Variants in DMD observed in about 807,000 individuals in gnomAD.
DMD encodes mutant dystrophin.
A neutral mutation model predicts 330.1 loss-of-function variants in DMD; 63 were observed. The observed-to-expected ratio is 0.19, with a 90% confidence interval of 0.16 to 0.24. DMD has a LOEUF of 0.24. DMD is among the 10% of genes least tolerant of loss of function. DMD has a pLI of 1.00. For missense variants in DMD, 3,344 were observed against 2,684.1 expected, an observed-to-expected ratio of 1.25 and a Z score of -5.43; for synonymous variants, 1,223 against 959.8, an observed-to-expected ratio of 1.27 and a Z score of -5.07.
At chrX:31,895,407 T>C (rs116194303) in intron 47 of DMD, among the ~76,000 whole-genome samples, 1,516 of 112,004 alleles carry the variant, frequency 0.014, 22 homozygotes, top group African/African-American at 0.047. Context: ...GTATAAGCAA[T>C]CGATACTTTT....
chrX:33,126,666 C>T (rs190832825), intron 1 of DMD, among the ~76,000 whole-genome samples: 245 of 112,046 alleles, frequency 2.2e-3, no homozygotes, highest in African/African-American at 6.0e-3. Flanking sequence ...AATAAATAGA[C>T]GGATGATTGT....
At chrX:31,640,904 T>A (rs146859166) in intron 54 of DMD, among the ~76,000 whole-genome samples, 3,325 of 112,103 alleles carry the variant, frequency 0.03, 121 homozygotes, top group African/African-American at 0.098. Flanking sequence ...TGCTGAAGAT[T>A]TGCTCAGATA....
Position 32,627,289 on chromosome X carries a change from G to A in DMD, c.1332-12836C>T, listed in dbSNP as rs187473504. 3.1e-3 allele frequency among the ~76,000 whole-genome samples: 315 copies of A among 102,356 alleles called. 51 individuals are homozygous for A. Among genetic ancestry groups the A allele is most frequent in the African/African-American group, 0.013 (308 of 23,734 alleles). The allele number at this position is 102,356 out of a possible 115,157, so 88.9% of individuals were successfully genotyped here. On this transcript the variant is annotated intron_variant, in intron 11 of 78. Transcript: ENST00000357033. ...GAACCAGATGCACAGAGGTAACATG[G>A]AGACAAAGGATCAGGATGCACAAAC...
chrX:32,936,252 C>T (rs1229282702), intron 2 of DMD, among the ~76,000 whole-genome samples: 1 of 110,209 alleles, frequency 9.1e-6, no homozygotes, highest in Non-Finnish European at 1.9e-5. Flanking sequence ...GCTGGGGTTA[C>T]AGGCATGCAC....
At chrX:33,232,093 G>A (rs950656857) in intron 1 of DMD, among the ~76,000 whole-genome samples, 3 of 111,771 alleles carry the variant, frequency 2.7e-5, no homozygotes, top group Non-Finnish European at 5.6e-5. Context: ...ATGCTGTATT[G>A]GTGAAATTAT....
At chrX:31,571,833 C>A (rs2075836422) in intron 55 of DMD, among the ~76,000 whole-genome samples, 1 of 111,781 alleles carries the variant, frequency 8.9e-6, no homozygotes, top group African/African-American at 3.3e-5. Context: ...CCAAGAATTT[C>A]TTGAGATACT....
intron 1 of DMD, among the ~76,000 whole-genome samples, chrX:33,225,780 C>A (rs1232424257): frequency 9.0e-6 from 1 of 110,502 alleles, no homozygotes; most frequent in Non-Finnish European, 1.9e-5. Context: ...AAGAGACAGG[C>A]TGCACATCGA....
At chrX:31,163,269 T>C (rs2039052026) in intron 74 of DMD, among the ~76,000 whole-genome samples, 2 of 111,429 alleles carry the variant, frequency 1.8e-5, no homozygotes, top group African/African-American at 3.3e-5. Context: ...GTTTTTGTGA[T>C]AGTAACTCTC....
chrX:32,283,927 G>A lies in DMD; in HGVS notation c.6290+3602C>T, dbSNP rs145596507. Among the ~76,000 whole-genome samples, 522 of 111,060 alleles carry A rather than the reference G, an allele frequency of 4.7e-3. 5 individuals carry two copies. Among genetic ancestry groups the A allele is most frequent in the African/African-American group, 0.016 (491 of 30,550 alleles). ...CAGAGACCCTAGTTGTAGAATGAGC[G>A]ACACACAGCAAGAATAAATAATTTA... On this transcript the variant is annotated intron_variant, in intron 43 of 78. Coordinates refer to ENST00000357033, the MANE Select transcript of DMD (RefSeq NM_004006.3).
At chrX:32,425,391 A>AT (rs2098207847) in intron 29 of DMD, among the ~76,000 whole-genome samples, 1 of 109,417 alleles carries the variant, frequency 9.1e-6, no homozygotes, top group Non-Finnish European at 1.9e-5. Context: ...CAATCCTTCC[A>AT]TTTTTTTTGC....
At chrX:31,661,848 T>C (rs1416958695) in intron 53 of DMD, among the ~76,000 whole-genome samples, 1 of 112,318 alleles carries the variant, frequency 8.9e-6, no homozygotes, top group Admixed American at 9.5e-5. Flanking sequence ...ATGCTGCTAC[T>C]GCACTATGTG....
intron 52 of DMD, among the ~76,000 whole-genome samples, chrX:31,708,813 T>A (rs753601584): frequency 8.9e-6 from 1 of 112,175 alleles, no homozygotes; most frequent in Non-Finnish European, 1.9e-5. Context: ...GTGACCAAAT[T>A]TCTTACTCAG....
At chrX:31,963,858 A>T (rs889045006) in intron 45 of DMD, among the ~76,000 whole-genome samples, 2 of 107,184 alleles carry the variant, frequency 1.9e-5, no homozygotes, top group Admixed American at 1.0e-4. Flanking sequence ...GATTAGGAAA[A>T]CCTCCATTTT....
At chrX:31,284,557 T>TTTCTTCTTCTTCTTCTTTCTTCTTCTTC (rs2052898257) in intron 62 of DMD, among the ~76,000 whole-genome samples, 1 of 78,066 alleles carries the variant, frequency 1.3e-5, no homozygotes, top group African/African-American at 5.2e-5. Context: ...TAACGAACTG[T>TTTCTTCTTCTTCTTCTTTCTTCTTCTTC]TTCTTCTTCT....
At chrX:33,009,123 CGTATATATGTATATATATGTGTATATAT>C (rs2093496213) in intron 2 of DMD, among the ~76,000 whole-genome samples, 1 of 21,293 alleles carries the variant, frequency 4.7e-5, no homozygotes, top group African/African-American at 2.2e-4. Flanking sequence ...TGTATATATA[CGTATATATGTATATATATGTGTATATAT>C]ACGTATATAT....
chrX:32,836,658 G>A (rs933990861), intron 4 of DMD, among the ~76,000 whole-genome samples: 2 of 111,122 alleles, frequency 1.8e-5, no homozygotes, highest in Non-Finnish European at 3.8e-5. Flanking sequence ...CAAACTCTCA[G>A]TACAGCCTGA....
At chrX:32,587,855 T>C (rs182045221) in intron 13 of DMD, among the ~76,000 whole-genome samples, 41 of 111,909 alleles carry the variant, frequency 3.7e-4, no homozygotes, top group Non-Finnish European at 7.3e-4. Flanking sequence ...GATTTTTAAA[T>C]GCTTTAGCTT....
At chrX:32,902,657 T>C (rs1310876258) in intron 2 of DMD, among the ~76,000 whole-genome samples, 1 of 110,340 alleles carries the variant, frequency 9.1e-6, no homozygotes, top group East Asian at 2.8e-4. Flanking sequence ...CTTTCATTTC[T>C]ATAAAAAGAA....
intron 62 of DMD, among the ~76,000 whole-genome samples, chrX:31,273,013 GA>G (rs1028454631): frequency 8.1e-5 from 9 of 111,046 alleles, no homozygotes; most frequent in Admixed American, 1.9e-4. Context: ...TTTGAGGTGA[GA>G]AAAAAAATTA....
Sources: allele counts gnomAD v4.1 joint callset (sites outside exome capture counted in the v4.1 genomes callset), GRCh38; gene constraint gnomAD v4.1.1; transcripts MANE v1.5; gene names NCBI Gene and HGNC (gene_info 2026-07-23, HGNC 2026-07-21).